ZNF69: variants seen among roughly 807,000 people sequenced by gnomAD.
ZNF69 encodes the protein ZNF3.
In ZNF69, 47 loss-of-function variants were observed where a neutral mutation model predicts 50.9. The observed-to-expected ratio is 0.92, with a 90% CI of 0.73 to 1.18. The LOEUF (loss-of-function observed/expected upper bound fraction) is 1.18. Ranked by LOEUF, ZNF69 falls within the 50% of genes most tolerant of loss-of-function variation. The pLI is 0.00. For missense variants in ZNF69, 717 were observed against 675.1 expected (o/e 1.06, Z -0.69); for synonymous variants, 216 against 223.1 (o/e 0.97, Z 0.29).
the ZNF69 span, among the ~76,000 whole-genome samples, chr19:11,955,874 G>T: frequency 1.3e-5 from 2 of 152,122 alleles, no homozygotes; most frequent in Non-Finnish European, 2.9e-5. Flanking sequence ...TATGGTTAAT[G>T]TGTAGTATGT....
the ZNF69 span, among the ~76,000 whole-genome samples, chr19:11,957,485 A>G: frequency 4.5e-4 from 69 of 152,284 alleles, 2 homozygotes; most frequent in African/African-American, 1.7e-3. Context: ...ACTTGCAAGT[A>G]AAAATAAAAA....
At position 11,913,090 on chromosome 19, in the gene ZNF69, G is replaced by A. The variant is rs545579595; in HGVS notation, c.449-319G>A. 2.3e-3 allele frequency among the ~76,000 whole-genome samples: 355 copies of A among 151,916 alleles called. 2 individuals carry two copies. Among genetic ancestry groups the A allele is most frequent in the African/African-American group, 8.3e-3 (344 of 41,426 alleles). On this transcript the variant is annotated intron_variant, in intron 4 of 4. Transcript: ENST00000340180. ...TGGGTGCCTGCAGTCCCAGCTACTC[G>A]GCAGGCTGAGGCAGGAGAATGGCAT...
At chr19:11,897,038 G>A (rs1340792480) in intron 1 of ZNF69, among the ~76,000 whole-genome samples, 1 of 152,004 alleles carries the variant, frequency 6.6e-6, no homozygotes. Context: ...TTTTGGACTT[G>A]AAGAAAATTA....
At chr19:11,933,251 C>CAA in the ZNF69 span, among the ~76,000 whole-genome samples, 6 of 121,290 alleles carry the variant, frequency 4.9e-5, no homozygotes, top group Admixed American at 8.3e-5. Flanking sequence ...GGCCCTGTTT[C>CAA]AAAAAAAAAA....
the ZNF69 span, chr19:11,925,333 A>G: frequency 2.3e-5 from 36 of 1,597,264 alleles, no homozygotes; most frequent in Admixed American, 3.4e-5. Flanking sequence ...ACAGGCGGGA[A>G]CCGGCTGTGG....
At chr19:11,907,934 C>T (rs1278822914), downstream of ZNF69, among the ~76,000 whole-genome samples, 2 of 152,074 alleles carry the variant, frequency 1.3e-5, no homozygotes, top group Non-Finnish European at 2.9e-5. Flanking sequence ...ACCCATCTCA[C>T]GTGCAGAGAC....
In ZNF69 at chr19:11,906,087, T is replaced by G; in HGVS notation, c.1690T>G (p.Cys564Gly). 6.2e-7 allele frequency: 1 copy of G among 1,610,928 alleles called. No individual in the cohort carries two copies. The highest frequency in any genetic ancestry group is 8.5e-7 in the Non-Finnish European group (1 of 1,179,066). Residue 564 changes from cysteine to glycine, a missense_variant, in exon 4 of 4, where the codon TGT (cysteine) becomes GGT (glycine). By Grantham distance (159) the Cys-to-Gly change is radical. Coordinates refer to ENST00000429654, the MANE Select transcript of ZNF69 (RefSeq NM_001364730.1). The part of the protein sequence containing the change: ...RTHPEDKPYE[C>G]KQ The stretch of plus-strand genomic sequence containing the variant: ...TCACCCTGAAGATAAACCCTATGAG[T>G]GTAAGCAATGAGGGAAAGCCTTCAG...
chr19:11,936,565 T>C, the ZNF69 span, among the ~76,000 whole-genome samples: 1 of 152,230 alleles, frequency 6.6e-6, no homozygotes, highest in Non-Finnish European at 1.5e-5. Context: ...TTTGTTTGAG[T>C]TCCTTGTAGA....
intron 4 of ZNF69, among the ~76,000 whole-genome samples, chr19:11,913,063 G>T (rs530663730): frequency 6.6e-6 from 1 of 152,110 alleles, no homozygotes; most frequent in South Asian, 2.1e-4. Context: ...CAGGCGTGGT[G>T]GTGGGTGCCT....
the ZNF69 span, among the ~76,000 whole-genome samples, chr19:11,942,310 G>A: frequency 2.0e-5 from 3 of 151,644 alleles, no homozygotes; most frequent in South Asian, 2.1e-4. Flanking sequence ...TTGGGAACAG[G>A]CATTTTCAAG....
At chr19:11,913,278 C>T in intron 4 of ZNF69, 1 of 457,756 alleles carries the variant, frequency 2.2e-6, no homozygotes. Context: ...ATTATTTGGA[C>T]ATTGTGAGTC....
chr19:11,920,224 G>C, the ZNF69 span, among the ~76,000 whole-genome samples: 11 of 150,474 alleles, frequency 7.3e-5, no homozygotes, highest in African/African-American at 2.7e-4. Context: ...CGATTCTACT[G>C]CCTCTGCCTC....
chr19:11,945,111 T>C, the ZNF69 span, among the ~76,000 whole-genome samples: 1 of 152,258 alleles, frequency 6.6e-6, no homozygotes, highest in Admixed American at 6.5e-5. Context: ...TCTGACACAG[T>C]GTAAAAGGCT....
At chr19:11,955,676 A>G in the ZNF69 span, among the ~76,000 whole-genome samples, 15 of 152,156 alleles carry the variant, frequency 9.9e-5, no homozygotes, top group African/African-American at 2.9e-4. Context: ...ATCTTTTATT[A>G]CAGCTGGAGA....
chr19:11,937,867 T>A, the ZNF69 span, among the ~76,000 whole-genome samples: 3 of 152,164 alleles, frequency 2.0e-5, no homozygotes, highest in Admixed American at 2.0e-4. Flanking sequence ...GTGTTTTTAA[T>A]CATGAGGAGA....
chr19:11,925,415 G>C, the ZNF69 span: 7 of 1,367,404 alleles, frequency 5.1e-6, no homozygotes, highest in Non-Finnish European at 6.8e-6. Flanking sequence ...TCGGCCCTCG[G>C]TCCCCTTGGC....
At chr19:11,894,740 G>A (rs57235308) in intron 1 of ZNF69, among the ~76,000 whole-genome samples, 39 of 152,228 alleles carry the variant, frequency 2.6e-4, no homozygotes, top group African/African-American at 8.2e-4. Flanking sequence ...CCAACCCCTC[G>A]AGATGCTCAG....
intron 1 of ZNF69, among the ~76,000 whole-genome samples, chr19:11,902,973 C>A (rs1278169965): frequency 6.6e-6 from 1 of 152,144 alleles, no homozygotes; most frequent in African/African-American, 2.4e-5. Context: ...TCTAGCATCA[C>A]AATTGCTTTA....
At chr19:11,943,130 T>C in the ZNF69 span, among the ~76,000 whole-genome samples, 1 of 152,218 alleles carries the variant, frequency 6.6e-6, no homozygotes, top group South Asian at 2.1e-4. Context: ...ATTTCTATTA[T>C]AAGTGTTTTA....
Sources: allele counts gnomAD v4.1 joint callset (sites outside exome capture counted in the v4.1 genomes callset), GRCh38; gene constraint gnomAD v4.1.1; transcripts MANE v1.5; gene names NCBI Gene and HGNC (gene_info 2026-07-23, HGNC 2026-07-21).